ANXA11: variants seen among roughly 807,000 people sequenced by gnomAD.
ANXA11 encodes the protein annexin A11.
ANXA11 carries 57 observed loss-of-function variants against 64.7 expected under a neutral mutation model. That is an observed-to-expected ratio of 0.88 (90% CI 0.71 to 1.10). ANXA11 has a LOEUF of 1.10. Ranked by LOEUF, ANXA11 falls within the 50% of genes least tolerant of loss-of-function variation. The pLI is 0.00. For synonymous variants in ANXA11, 260 were observed against 265.2 expected (o/e 0.98, Z 0.19); for missense variants, 675 against 670.7 (o/e 1.01, Z -0.07).
intron 1 of ANXA11, among the ~76,000 whole-genome samples, chr10:80,178,273 C>T (rs1219193970): frequency 6.6e-6 from 1 of 152,098 alleles, no homozygotes; most frequent in Non-Finnish European, 1.5e-5. Context: ...CTGACCAATG[C>T]CTCTCTCCTC....
intron 15 of ANXA11, chr10:80,156,463 C>T (rs1360113109): frequency 2.1e-6 from 1 of 471,802 alleles, no homozygotes; most frequent in Non-Finnish European, 4.4e-6. Context: ...TGGCTTCTTC[C>T]AGATGTCCAT....
chr10:80,195,269 C>G (rs1034978814), intron 1 of ANXA11, among the ~76,000 whole-genome samples: 1 of 152,204 alleles, frequency 6.6e-6, no homozygotes, highest in Non-Finnish European at 1.5e-5. Flanking sequence ...CCAAATATCC[C>G]TTATCAAGGT....
chr10:80,178,389 A>G (rs1846246819), intron 1 of ANXA11, among the ~76,000 whole-genome samples: 1 of 152,174 alleles, frequency 6.6e-6, no homozygotes, highest in African/African-American at 2.4e-5. Flanking sequence ...GCCCTCTGAC[A>G]TGGGGACTCA....
chr10:80,182,804 C>T (rs1390430531), intron 1 of ANXA11, among the ~76,000 whole-genome samples: 1 of 152,314 alleles, frequency 6.6e-6, no homozygotes, highest in Non-Finnish European at 1.5e-5. Flanking sequence ...TAAGTAATGT[C>T]TCAGGTGATA....
At chr10:80,174,378 G>C (rs984351073) in intron 2 of ANXA11, among the ~76,000 whole-genome samples, 1 of 152,062 alleles carries the variant, frequency 6.6e-6, no homozygotes, top group African/African-American at 2.4e-5. Flanking sequence ...CTGGGTTCAA[G>C]TGATTCTCCT....
chr10:80,155,715 G>GCTT lies in ANXA11; in HGVS notation c.*137_*138insAAG, dbSNP rs1254559300. The GCTT allele has an allele frequency of 8.3e-5, 71 of 856,100 alleles. No individual in the cohort carries two copies. In the East Asian group the frequency reaches 1.7e-3, roughly 20 times the overall value. The allele number at this position is 856,100 out of a possible 1,614,324, so 53.0% of individuals were successfully genotyped here. A position where few individuals can be genotyped will look rare whatever the true frequency, so the allele number is the denominator to read the frequency against. ...TGTGGCACACTATACGGGTCAGGAG[G>GCTT]GGTGGAAGACAGGCCTAAGCTCTAG... On this transcript the variant is annotated 3_prime_UTR_variant, in exon 16 of 16. Transcript: ENST00000422982.
chr10:80,161,852 A>T, intron 12 of ANXA11, 83 bp downstream of exon 12: 1 of 1,234,690 alleles, frequency 8.1e-7, no homozygotes, highest in Non-Finnish European at 1.2e-6. Context: ...AGGAACGACC[A>T]AGTGTTCCCA....
intron 12 of ANXA11, among the ~76,000 whole-genome samples, chr10:80,160,309 G>A (rs989275726): frequency 1.9e-4 from 29 of 152,320 alleles, no homozygotes; most frequent in African/African-American, 7.0e-4. Context: ...TTACAGGATA[G>A]TGCAGAGGTT....
rs764546727 is a variant in ANXA11 at position 80,161,891 on chromosome 10, T to C, written c.1180+44A>G. ...CTTTGTTTCCCCACAATCCCCTGAC[T>C]GCCCTCATCTAACTGGCCTCTGAGG... On this transcript the variant is annotated intron_variant, in intron 12 of 15. Coordinates refer to ENST00000422982, the MANE Select transcript of ANXA11 (RefSeq NM_145868.2). 5 of 1,498,150 alleles carry C rather than the reference T, an allele frequency of 3.3e-6. No homozygotes were observed. In the East Asian group the frequency reaches 9.1e-5, roughly 27 times the overall value. The allele number at this position is 1,498,150 out of a possible 1,614,324, so 92.8% of individuals were successfully genotyped here. A position where few individuals can be genotyped will look rare whatever the true frequency, so the allele number is the denominator to read the frequency against.
chr10:80,150,927 G>A lies in ANXA11; in HGVS notation c.*4926C>T, dbSNP rs1314261499. On this transcript the variant is annotated 3_prime_UTR_variant, in exon 16 of 16. Transcript: ENST00000422982. The stretch of plus-strand genomic sequence containing the variant: ...AGCTTTTATTCTTAGGTATTCACCT[G>A]ATTGCTGTAAACTTTCAATTCGTTT... 5 of 152,194 alleles carry A rather than the reference G, an allele frequency of 3.3e-5. No homozygotes were observed. Among genetic ancestry groups the A allele is most frequent in the Non-Finnish European group, 7.3e-5 (5 of 68,032 alleles). 9.4% of individuals were successfully genotyped at this position (152,194 alleles called of 1,614,324 possible).
intron 1 of ANXA11, chr10:80,181,280 G>A (rs1846345153): frequency 2.0e-5 from 3 of 152,012 alleles, no homozygotes; most frequent in Admixed American, 2.0e-4. Context: ...ATGAGACCCT[G>A]TCGTTACAAA....
At chr10:80,173,361 C>CCA (rs1231632539) in intron 2 of ANXA11, among the ~76,000 whole-genome samples, 4 of 152,216 alleles carry the variant, frequency 2.6e-5, no homozygotes, top group African/African-American at 4.8e-5. Context: ...ACCTCTGGTT[C>CCA]ATCAGGCAAG....
chr10:80,187,425 C>T (rs531115284), intron 1 of ANXA11, among the ~76,000 whole-genome samples: 1 of 152,324 alleles, frequency 6.6e-6, no homozygotes, highest in South Asian at 2.1e-4. Context: ...AACTTCCAGC[C>T]TCCAGAACTG....
At position 80,164,128 on chromosome 10, in the gene ANXA11, C is replaced by T. The variant is rs765224125; in HGVS notation, c.874G>A (p.Glu292Lys). 1 of 1,614,096 alleles carries T rather than the reference C, an allele frequency of 6.2e-7. No homozygotes were observed. The highest frequency in any genetic ancestry group is 8.5e-7 in the Non-Finnish European group (1 of 1,179,954). ...GCGAGGATCTCAATCAGGCAGGCTT[C>T]ATCAGTGCCAACCCCCTGCAGGGGC... ...KEAIKGVGTD[E>K]ACLIEILASR... is the part of the protein sequence containing the mutation. Residue 292 changes from glutamate to lysine, a missense_variant, in exon 9 of 16, where the codon GAA becomes AAA. Physicochemically the swap from Glu to Lys is moderately conservative, Grantham distance 56. Coordinates refer to ENST00000422982, the MANE Select transcript of ANXA11 (RefSeq NM_145868.2).
In ANXA11 at chr10:80,190,174, C is replaced by CGT. The variant is rs1846710090; in HGVS notation, c.-57-14020_-57-14019insAC. ...GTCAGTTTGGGAAGATGAGAACCTT[C>CGT]TGGAGATGCATCGTAATGACTGTTG... is the stretch of plus-strand genomic sequence containing the variant. On this transcript the variant is annotated intron_variant, in intron 1 of 15. Coordinates refer to ENST00000422982, the MANE Select transcript of ANXA11 (RefSeq NM_145868.2). 2.6e-5 allele frequency among the ~76,000 whole-genome samples: 4 copies of CGT among 152,236 alleles called. 1 individual carries two copies. Among genetic ancestry groups the CGT allele is most frequent in the Admixed American group, 2.6e-4 (4 of 15,294 alleles).
At position 80,205,387 on chromosome 10, in the gene ANXA11, G is replaced by C. The variant is rs1316329986; in HGVS notation, c.-102C>G. ...ACGCGAGGGGCGAAATGGGACGTGG[G>C]CGGGAGTGGCTCTCTCCGCGGGCGT... On this transcript the variant is annotated 5_prime_UTR_variant, in exon 1 of 16. Transcript: ENST00000422982. 2 of 152,070 alleles carry C rather than the reference G, an allele frequency of 1.3e-5. No individual in the cohort carries two copies. The highest frequency in any genetic ancestry group is 3.9e-4 in the East Asian group (2 of 5,154). 9.4% of individuals were successfully genotyped at this position (152,070 alleles called of 1,614,324 possible).
chr10:80,189,258 T>C (rs1012087663), intron 1 of ANXA11, among the ~76,000 whole-genome samples: 3 of 152,056 alleles, frequency 2.0e-5, no homozygotes, highest in Non-Finnish European at 4.4e-5. Context: ...ATTCCACCCA[T>C]GGAGGAAAAG....
At chr10:80,158,198 C>G (rs1304766627) in intron 13 of ANXA11, among the ~76,000 whole-genome samples, 173 bp from the exon 14 acceptor site, 6 of 152,206 alleles carry the variant, frequency 3.9e-5, no homozygotes. Context: ...TTGGCTCCAG[C>G]TATTTGGAAC....
chr10:80,165,958 T>C (rs985607070), intron 8 of ANXA11, 126 bp downstream of exon 8: 2 of 529,886 alleles, frequency 3.8e-6, no homozygotes, highest in Non-Finnish European at 6.6e-6. Context: ...CAGCAGCTAA[T>C]GAGTGGGCTA....
Sources: gnomAD v4.1 joint callset for allele counts (sites outside exome capture counted in the v4.1 genomes callset) on GRCh38, gnomAD v4.1.1 for gene constraint, MANE v1.5 for transcripts, NCBI Gene and HGNC (gene_info 2026-07-23, HGNC 2026-07-21) for gene names.